The following PBLD variants were observed in gnomAD, a reference collection of about 807,000 sequenced individuals.
PBLD encodes the protein phenazine biosynthesis like protein domain containing.
A neutral mutation model predicts 31.3 loss-of-function variants in PBLD; 26 were observed. The observed-to-expected ratio is 0.83, with a 90% CI of 0.61 to 1.15. The LOEUF (loss-of-function observed/expected upper bound fraction) is 1.15, where lower values mean the gene tolerates loss of function less well. Among genes scored for constraint, PBLD ranks in the 50% most tolerant of loss-of-function variants. PBLD has a pLI of 0.00. For missense variants in PBLD, 307 were observed against 351.7 expected, an observed-to-expected ratio of 0.87 and a Z score of 1.02; for synonymous variants, 114 against 129.0, an observed-to-expected ratio of 0.88 and a Z score of 0.79.
chr10:68,298,596 G>T (rs556131763), intron 2 of PBLD, among the ~76,000 whole-genome samples: 52 of 152,238 alleles, frequency 3.4e-4, no homozygotes, highest in Middle Eastern at 3.4e-3. Context: ...AATTATGTGG[G>T]TTTGAAAACA....
At chr10:68,326,324 G>A (rs771102602) in intron 1 of PBLD, among the ~76,000 whole-genome samples, 1 of 152,178 alleles carries the variant, frequency 6.6e-6, no homozygotes, top group South Asian at 2.1e-4. Context: ...ACAGGCATGA[G>A]CCACTGTGCC....
chr10:68,316,590 CA>C (rs2044739016), intron 1 of PBLD, among the ~76,000 whole-genome samples: 2 of 152,080 alleles, frequency 1.3e-5, no homozygotes, highest in South Asian at 4.1e-4. Context: ...AATAAATGGT[CA>C]AAAACTTATC....
At chr10:68,301,698 G>A (rs1365220425) in intron 2 of PBLD, among the ~76,000 whole-genome samples, 1 of 152,056 alleles carries the variant, frequency 6.6e-6, no homozygotes, top group African/African-American at 2.4e-5. Flanking sequence ...GTGACCTTTA[G>A]GATAAGTCTT....
At chr10:68,297,025 C>A (rs767217209) in intron 2 of PBLD, 40 bp from the exon 3 acceptor site, 5 of 1,466,478 alleles carry the variant, frequency 3.4e-6, no homozygotes, top group Non-Finnish European at 4.8e-6. Context: ...TTCAAAAACA[C>A]AGATCAGACT....
intron 1 of PBLD, among the ~76,000 whole-genome samples, chr10:68,312,670 TGCG>T (rs2044686039): frequency 7.3e-6 from 1 of 136,158 alleles, no homozygotes; most frequent in African/African-American, 2.8e-5. Context: ...AGTGCAGTGG[TGCG>T]ATTTCAGCTC....
At chr10:68,329,783 A>G (rs568734170) in intron 1 of PBLD, among the ~76,000 whole-genome samples, 3 of 152,226 alleles carry the variant, frequency 2.0e-5, no homozygotes, top group Non-Finnish European at 4.4e-5. Flanking sequence ...CATAACCTCA[A>G]TTTTCCAAAA....
rs144657414 is a variant in PBLD at position 68,292,216 on chromosome 10, C to T, written c.306G>A (p.Thr102=). The T allele has an allele frequency of 4.1e-5, 66 of 1,613,428 alleles. No individual in the cohort carries two copies. The highest frequency in any genetic ancestry group is 4.7e-5 in the Non-Finnish European group (56 of 1,180,012). ...HKIKNMNSTL[T]FVTLSGELRA... Reference sequence around the variant, plus strand: ...TTAGTTCTCCACTCAGAGTGACAAACGTGAGCGTGCTATTCATGTTTTCTG... The same window carrying T: ...TTAGTTCTCCACTCAGAGTGACAAATGTGAGCGTGCTATTCATGTTTTCTG... Residue 102 remains threonine (T), a synonymous_variant, in exon 5 of 10, where the codon ACG becomes ACA. Transcript: ENST00000358769.
intron 2 of PBLD, among the ~76,000 whole-genome samples, chr10:68,300,908 G>GT (rs992828822): frequency 3.9e-5 from 6 of 152,034 alleles, no homozygotes; most frequent in East Asian, 1.9e-4. Context: ...GTTTTGTTCT[G>GT]TTTTTTTGAG....
At chr10:68,299,948 T>C (rs1219072240) in intron 2 of PBLD, among the ~76,000 whole-genome samples, 1 of 152,030 alleles carries the variant, frequency 6.6e-6, no homozygotes, top group African/African-American at 2.4e-5. Flanking sequence ...TAGAGTGCAG[T>C]GGCACTGTCT....
At chr10:68,332,245 G>T (rs1432048086) in intron 1 of PBLD, 1 of 152,334 alleles carries the variant, frequency 6.6e-6, no homozygotes. Context: ...GGTAGGTTGG[G>T]CTGGTGGTTT....
intron 2 of PBLD, among the ~76,000 whole-genome samples, chr10:68,298,825 A>G (rs2044466650): frequency 6.6e-6 from 1 of 151,760 alleles, no homozygotes; most frequent in African/African-American, 2.4e-5. Flanking sequence ...AAGTGGACCC[A>G]GCTGGGCGTG....
chr10:68,294,527 A>C (rs924456320), intron 4 of PBLD, among the ~76,000 whole-genome samples: 4 of 152,174 alleles, frequency 2.6e-5, no homozygotes, highest in African/African-American at 4.8e-5. Flanking sequence ...GAGTAGAGCT[A>C]CCTTGCCCAA....
intron 1 of PBLD, among the ~76,000 whole-genome samples, chr10:68,324,643 G>A (rs2044887174): frequency 6.9e-6 from 1 of 145,458 alleles, no homozygotes; most frequent in Admixed American, 6.7e-5. Flanking sequence ...TTTAGAGACA[G>A]GGTGTCACTC....
chr10:68,327,761 C>A lies in PBLD; in HGVS notation c.-60+5023G>T, dbSNP rs548123633. On this transcript the variant is annotated intron_variant, in intron 1 of 9. Transcript: ENST00000358769. ...CTGTATTTTCAAAGTTATTAATGTG[C>A]TTATGACACACTAAAAGCAGTACAA... Among the ~76,000 whole-genome samples the A allele has an allele frequency of 3.3e-5, 5 of 151,068 alleles. No homozygotes were observed. In the East Asian group the frequency reaches 7.8e-4, roughly 23 times the overall value.
chr10:68,315,072 G>A (rs902757258), intron 1 of PBLD, among the ~76,000 whole-genome samples: 1 of 152,208 alleles, frequency 6.6e-6, no homozygotes, highest in Non-Finnish European at 1.5e-5. Flanking sequence ...TCACAGGTGT[G>A]AGCCACCGTG....
intron 1 of PBLD, among the ~76,000 whole-genome samples, chr10:68,318,182 A>G (rs2044762577): frequency 6.6e-6 from 1 of 151,910 alleles, no homozygotes. Flanking sequence ...AGCCGAGATC[A>G]AGCCACTGCA....
At chr10:68,296,180 G>A in intron 4 of PBLD, 86 bp downstream of exon 4, 1 of 1,005,212 alleles carries the variant, frequency 9.9e-7, no homozygotes, top group Non-Finnish European at 1.5e-6. Flanking sequence ...CAGTCACTTT[G>A]GACCATCAGA....
intron 1 of PBLD, among the ~76,000 whole-genome samples, chr10:68,319,172 G>T (rs2044794029): frequency 1.3e-5 from 2 of 150,830 alleles, no homozygotes; most frequent in African/African-American, 4.9e-5. Flanking sequence ...ATCTAGTTGG[G>T]ACTCCACTGA....
At chr10:68,303,524 G>A (rs1182562719) in intron 2 of PBLD, among the ~76,000 whole-genome samples, 2 of 151,012 alleles carry the variant, frequency 1.3e-5, no homozygotes, top group Admixed American at 6.6e-5. Context: ...GCCGGGCGTG[G>A]TGACTCACAC....
Sources: gnomAD v4.1 joint callset for allele counts (sites outside exome capture counted in the v4.1 genomes callset) on GRCh38, gnomAD v4.1.1 for gene constraint, MANE v1.5 for transcripts, NCBI Gene and HGNC (gene_info 2026-07-23, HGNC 2026-07-21) for gene names.